Variants in RARS1 observed in about 807,000 individuals in gnomAD.
RARS1 encodes arginine--tRNA ligase, cytoplasmic.
A neutral mutation model predicts 78.7 loss-of-function variants in RARS1; 75 were observed. That is an observed-to-expected ratio of 0.95 (90% CI 0.79 to 1.15). The LOEUF is 1.15. RARS1 is among the 50% of genes most tolerant of loss of function. The pLI is 0.00. For missense variants in RARS1, 787 were observed against 787.5 expected (o/e 1.00, Z 0.01); for synonymous variants, 273 against 268.2 (o/e 1.02, Z -0.18).
rs1318611663 is a variant in RARS1, at chr5:168,488,381, G to A, written c.46-221G>A. The A allele has an allele frequency of 1.5e-5, 7 of 471,766 alleles. 1 individual carries two copies. The highest frequency in any genetic ancestry group is 7.6e-6 in the Non-Finnish European group (2 of 264,294). The allele number at this position is 471,766 out of a possible 1,614,324, so 29.2% of individuals were successfully genotyped here. A position where few individuals can be genotyped will look rare whatever the true frequency, so the allele number is the denominator to read the frequency against. On this transcript the variant is annotated intron_variant, in intron 1 of 14. Transcript: ENST00000231572. ...GGCCTCAAGTCATCCACCTGCCTAG[G>A]CCTCCCAAAGTGCTGGGATTACAGG... is the stretch of plus-strand genomic sequence containing the variant.
intron 12 of RARS1, among the ~76,000 whole-genome samples, chr5:168,515,733 G>A (rs1399767842): frequency 6.6e-5 from 10 of 152,286 alleles, no homozygotes; most frequent in South Asian, 2.1e-4. Context: ...CTTCAATGGC[G>A]TGTGTGCTAA....
At chr5:168,494,076 A>G in intron 4 of RARS1, 74 bp downstream of exon 4, 1 of 1,403,162 alleles carries the variant, frequency 7.1e-7, no homozygotes, top group East Asian at 2.4e-5. Context: ...AAGAACACAC[A>G]TTTTAATTAC....
At chr5:168,513,131 C>T (rs1209983592) in intron 12 of RARS1, among the ~76,000 whole-genome samples, 2 of 151,342 alleles carry the variant, frequency 1.3e-5, no homozygotes, top group African/African-American at 2.4e-5. Flanking sequence ...CTGCAAGCTC[C>T]GCCTCCCATG....
chr5:168,501,282 T>G (rs1295516037), intron 8 of RARS1, among the ~76,000 whole-genome samples: 3 of 152,186 alleles, frequency 2.0e-5, no homozygotes, highest in Non-Finnish European at 4.4e-5. Flanking sequence ...ATAATTACAG[T>G]AAGTAATACT....
chr5:168,492,585 A>G, intron 2 of RARS1, 74 bp from the exon 3 acceptor site: 1 of 1,286,842 alleles, frequency 7.8e-7, no homozygotes, highest in South Asian at 1.5e-5. Flanking sequence ...GTTTATACTC[A>G]AAATATTTGG....
intron 6 of RARS1, among the ~76,000 whole-genome samples, chr5:168,496,119 G>A (rs192037387): frequency 3.9e-5 from 6 of 152,094 alleles, no homozygotes; most frequent in African/African-American, 1.2e-4. Context: ...GGTGGCTCAC[G>A]TCTGTAAACC....
In RARS1 at chr5:168,486,502, G is replaced by A. The variant is rs1380420322; in HGVS notation, c.4G>A (p.Asp2Asn). The A allele has an allele frequency of 6.4e-7, 1 of 1,558,886 alleles. No homozygotes were observed. Among genetic ancestry groups the A allele is most frequent in the Non-Finnish European group, 8.7e-7 (1 of 1,150,524 alleles). Residue 2 changes from aspartate to asparagine, a missense_variant, in exon 1 of 15, where the codon GAC becomes AAC. Asp to Asn is a conservative substitution (Grantham distance 23). Transcript: ENST00000231572. M[D>N]VLVSECSARL... is the part of the protein sequence containing the mutation. The stretch of plus-strand genomic sequence containing the variant: ...CGAGTGAGACGCTGATGGGAGGATG[G>A]ACGTACTGGTGTCTGAGTGCTCCGC...
chr5:168,487,227 G>GT (rs554376578), intron 1 of RARS1, among the ~76,000 whole-genome samples: 1,043 of 93,876 alleles, frequency 0.011, 7 homozygotes, highest in Non-Finnish European at 0.016. Context: ...AACCGGCTGT[G>GT]TTGGGGGGGG....
intron 1 of RARS1, among the ~76,000 whole-genome samples, chr5:168,487,120 T>A (rs140725728): frequency 6.6e-6 from 1 of 151,958 alleles, no homozygotes; most frequent in Non-Finnish European, 1.5e-5. Context: ...CCCAGCACTT[T>A]GGGAGGCCGA....
At chr5:168,504,464 A>T (rs1264033470) in intron 9 of RARS1, among the ~76,000 whole-genome samples, 2 of 150,494 alleles carry the variant, frequency 1.3e-5, no homozygotes, top group Middle Eastern at 3.4e-3. Context: ...TGGAGATTGC[A>T]GTGAGCCGAG....
chr5:168,517,944 G>A lies in RARS1; in HGVS notation c.1755G>A (p.Leu585=). The change falls in exon 14 of 15, where the codon CTG becomes CTA. Residue 585 remains leucine, a synonymous_variant. Transcript: ENST00000231572. ...GRCILRFPEI[L]QKILDDLFLH... ...GCATTTTACGGTTCCCTGAGATTCT[G>A]CAAAAGATTTTAGATGACTTATTTC... The A allele has an allele frequency of 6.2e-7, 1 of 1,613,810 alleles. No homozygotes were observed. Among genetic ancestry groups the A allele is most frequent in the East Asian group, 2.2e-5 (1 of 44,868 alleles).
intron 1 of RARS1, chr5:168,488,196 C>T (rs775637904): frequency 1.8e-5 from 7 of 388,322 alleles, no homozygotes; most frequent in South Asian, 1.1e-4. Context: ...GGCACGATCT[C>T]GACTCACCGC....
chr5:168,488,493 CT>C (rs1758014882), intron 1 of RARS1, 108 bp from the exon 2 acceptor site: 1 of 1,197,632 alleles, frequency 8.3e-7, no homozygotes, highest in East Asian at 2.4e-5. Flanking sequence ...AGAAACACAG[CT>C]CATCAAAGGG....
intron 13 of RARS1, among the ~76,000 whole-genome samples, 197 bp downstream of exon 13, chr5:168,517,147 G>C (rs1239003839): frequency 6.7e-6 from 1 of 149,590 alleles, no homozygotes; most frequent in Admixed American, 6.7e-5. Flanking sequence ...TTTTTTGTTT[G>C]TTTGTTTATT....
At chr5:168,494,477 G>A (rs1758142215) in intron 4 of RARS1, 73 bp from the exon 5 acceptor site, 1 of 1,581,298 alleles carries the variant, frequency 6.3e-7, no homozygotes, top group African/African-American at 1.4e-5. Context: ...TCAGTGTCTG[G>A]AGCAAATCCT....
At chr5:168,503,968 C>G (rs1223999353) in intron 9 of RARS1, among the ~76,000 whole-genome samples, 1 of 150,964 alleles carries the variant, frequency 6.6e-6, no homozygotes, top group Non-Finnish European at 1.5e-5. Flanking sequence ...GCCTGTAGTT[C>G]TAGCTATGCT....
In RARS1 at chr5:168,510,564, G is replaced by C; in HGVS notation, c.1347-17G>C. The stretch of plus-strand genomic sequence containing the variant: ...AAGTCTGTTTCAAAATCTGATTGGG[G>C]GTTTTACATTTTTTAGGAAAAAGTT... On this transcript the variant is annotated splice_polypyrimidine_tract_variant and intron_variant, in intron 11 of 14. Coordinates refer to ENST00000231572, the MANE Select transcript of RARS1 (RefSeq NM_002887.4). 6.4e-7 allele frequency: 1 copy of C among 1,573,992 alleles called. No individual in the cohort carries two copies. Among genetic ancestry groups the C allele is most frequent in the Non-Finnish European group, 8.7e-7 (1 of 1,152,634 alleles).
intron 4 of RARS1, chr5:168,494,321 G>T: frequency 2.0e-6 from 2 of 985,454 alleles, no homozygotes; most frequent in Non-Finnish European, 2.4e-6. Flanking sequence ...ATTGTTTGCT[G>T]AAAGTGAAAG....
chr5:168,519,149 G>T lies in RARS1; in HGVS notation c.1942G>T (p.Gly648Trp). ...AGCAGTAGCTGCTGTCATGGCCAAG[G>T]GGTTTGATATCCTGGGAATAAAACC... ...CEAVAAVMAK[G>W]FDILGIKPVQ... Residue 648 changes from glycine to tryptophan, a missense_variant, in exon 15 of 15, where the codon GGG (glycine) becomes TGG (tryptophan). Transcript: ENST00000231572. The T allele has an allele frequency of 6.2e-7, 1 of 1,613,990 alleles. No individual in the cohort carries two copies. Among genetic ancestry groups the T allele is most frequent in the Non-Finnish European group, 8.5e-7 (1 of 1,179,936 alleles).
Sources: gnomAD v4.1 joint callset for allele counts (sites outside exome capture counted in the v4.1 genomes callset) on GRCh38, gnomAD v4.1.1 for gene constraint, MANE v1.5 for transcripts, NCBI Gene and HGNC (gene_info 2026-07-23, HGNC 2026-07-21) for gene names.